Variants in PCDHGA10 observed in about 807,000 individuals in gnomAD.
PCDHGA10 encodes protocadherin gamma subfamily A, 10.
In PCDHGA10, 42 loss-of-function variants were observed where a neutral mutation model predicts 59.5. The observed-to-expected ratio is 0.71, with a 90% confidence interval of 0.55 to 0.91. PCDHGA10 has a LOEUF of 0.91. PCDHGA10 is among the 40% of genes least tolerant of loss of function. PCDHGA10 has a pLI of 0.00. For missense variants in PCDHGA10, 1,111 were observed against 1,198.2 expected (o/e 0.93, Z 1.07); for synonymous variants, 511 against 517.2 (o/e 0.99, Z 0.16).
At position 141,487,276 on chromosome 5, in the gene PCDHGA10, C is replaced by G; in HGVS notation, c.2437-7531C>G. On this transcript the variant is annotated intron_variant, in intron 1 of 3. Coordinates refer to ENST00000398610, the MANE Select transcript of PCDHGA10 (RefSeq NM_018913.3). The surrounding 1 kb of genome is among the most constrained non-coding windows in gnomAD (Gnocchi z 5.0). ...TGGCTGTGTCCCTAGTGGCAATTTG[C>G]TTTGTCTCCTTTGGCTCATTCGTGG... 1 of 1,614,158 alleles carries G rather than the reference C, an allele frequency of 6.2e-7. No homozygotes were observed. The highest frequency in any genetic ancestry group is 1.1e-5 in the South Asian group (1 of 91,082).
Position 141,486,151 on chromosome 5 carries a change from T to C in PCDHGA10, c.2437-8656T>C, listed in dbSNP as rs570065848. The C allele has an allele frequency of 2.7e-5, 44 of 1,613,914 alleles. No individual in the cohort carries two copies. In the South Asian group the frequency reaches 4.3e-4, roughly 16 times the overall value. ...TTGATGTGCGGGCTCGCGATGGGGGTTCTCCAGCCATGGAGCAACATTGCA... is the reference window on the plus strand; with the variant it reads ...TTGATGTGCGGGCTCGCGATGGGGGCTCTCCAGCCATGGAGCAACATTGCA... On this transcript the variant is annotated intron_variant, in intron 1 of 3. Transcript: ENST00000398610. The surrounding 1 kb of genome is among the most constrained non-coding windows in gnomAD (Gnocchi z 5.0).
At chr5:141,469,836 T>C (rs2099212875) in intron 1 of PCDHGA10, among the ~76,000 whole-genome samples, 1 of 152,064 alleles carries the variant, frequency 6.6e-6, no homozygotes, top group South Asian at 2.1e-4. Flanking sequence ...ATAAAACTTA[T>C]TCTTAAGATT....
chr5:141,441,905 C>G, intron 1 of PCDHGA10: 1 of 348,464 alleles, frequency 2.9e-6, no homozygotes, highest in Non-Finnish European at 5.5e-6. Flanking sequence ...GCTGTAGACG[C>G]AGATGTGAGA....
At chr5:141,495,274 G>A (rs1396412578) in intron 2 of PCDHGA10, among the ~76,000 whole-genome samples, 1 of 152,190 alleles carries the variant, frequency 6.6e-6, no homozygotes, top group Non-Finnish European at 1.5e-5. Context: ...TTGACCGGAG[G>A]AGGCGGTCCG....
intron 1 of PCDHGA10, chr5:141,424,584 C>T (rs919265310): frequency 3.9e-5 from 6 of 152,082 alleles, no homozygotes; most frequent in African/African-American, 1.4e-4. Flanking sequence ...TTCAAATGTG[C>T]TAAAGATGTC....
rs1370450155 is a variant in PCDHGA10, at chr5:141,431,480, G to T, written c.2436+15869G>T. On this transcript the variant is annotated intron_variant, in intron 1 of 3. Coordinates refer to ENST00000398610, the MANE Select transcript of PCDHGA10 (RefSeq NM_018913.3). This position sits in a 1 kb window ranked among gnomAD's most constrained non-coding sequence, Gnocchi z 4.8. Reference sequence around the variant, plus strand: ...TCTGGATGCGAACGACAACGCACCAGCGTTTGCTCAGCCCGAGTACCGCGC... The same window carrying T: ...TCTGGATGCGAACGACAACGCACCATCGTTTGCTCAGCCCGAGTACCGCGC... 3 of 1,613,924 alleles carry T rather than the reference G, an allele frequency of 1.9e-6. No individual in the cohort carries two copies. Among genetic ancestry groups the T allele is most frequent in the Non-Finnish European group, 2.5e-6 (3 of 1,179,990 alleles).
chr5:141,413,569 G>A lies in PCDHGA10; in HGVS notation c.394G>A (p.Asp132Asn). 1.2e-6 allele frequency: 2 copies of A among 1,613,846 alleles called. No individual in the cohort carries two copies. Among genetic ancestry groups the A allele is most frequent in the Non-Finnish European group, 1.7e-6 (2 of 1,179,882 alleles). ...AGAAATAGAAGTAACTGATATCAAT[G>A]ACAATGCTCCAAAATTCCAAGCAGA... ...GIEIEVTDIN[D>N]NAPKFQAENL... is the part of the protein sequence containing the mutation. The change falls in exon 1 of 4, where the codon GAC becomes AAC. Residue 132 changes from aspartate (D) to asparagine (N), a missense_variant. Asp to Asn is a conservative substitution (Grantham distance 23). Coordinates refer to ENST00000398610, the MANE Select transcript of PCDHGA10 (RefSeq NM_018913.3).
chr5:141,412,990 C>T lies in PCDHGA10; in HGVS notation c.-186C>T. ...AGAGAAAACGCAGCCAGAGCTCAAT[C>T]CGGATTCTCAGGGCTTCAACTACAC... On this transcript the variant is annotated 5_prime_UTR_variant, in exon 1 of 4. Coordinates refer to ENST00000398610, the MANE Select transcript of PCDHGA10 (RefSeq NM_018913.3). 1 of 569,958 alleles carries T rather than the reference C, an allele frequency of 1.8e-6. No individual in the cohort carries two copies. 35.3% of individuals were successfully genotyped at this position (569,958 alleles called of 1,614,324 possible).
chr5:141,510,272 TA>T (rs546154379), intron 3 of PCDHGA10, among the ~76,000 whole-genome samples: 4,704 of 130,308 alleles, frequency 0.036, 80 homozygotes, highest in South Asian at 0.057. Flanking sequence ...GACTCCATCT[TA>T]AAAAAAAAAA....
intron 2 of PCDHGA10, among the ~76,000 whole-genome samples, chr5:141,496,419 C>T (rs1292183963): frequency 6.6e-6 from 1 of 152,174 alleles, no homozygotes; most frequent in Non-Finnish European, 1.5e-5. Flanking sequence ...TACTTGCTGT[C>T]CACATTTGCC....
intron 1 of PCDHGA10, among the ~76,000 whole-genome samples, chr5:141,492,539 G>A (rs1474928199): frequency 1.3e-5 from 2 of 152,200 alleles, no homozygotes; most frequent in African/African-American, 2.4e-5. Context: ...GCCCCGGGCT[G>A]GGCCGGGTCG....
intron 1 of PCDHGA10, chr5:141,428,335 T>G (rs535486665): frequency 3.3e-6 from 2 of 615,106 alleles, no homozygotes; most frequent in East Asian, 5.9e-5. Context: ...TTCTATGCTC[T>G]TCTTCCTCGC....
chr5:141,433,361 A>ATCTATCTATCTC, intron 1 of PCDHGA10: 1 of 297,578 alleles, frequency 3.4e-6, no homozygotes, highest in Non-Finnish European at 6.3e-6. Context: ...CTGTCTGCCT[A>ATCTATCTATCTC]TCTATCTATC....
Position 141,414,899 on chromosome 5 carries a change from G to T in PCDHGA10, c.1724G>T (p.Gly575Val), listed in dbSNP as rs756810046. ...CTGTACCCCGCCCTCCCCACAGACG[G>T]TTCCACAGGCGTGGAGCTGGCGCCC... is the stretch of plus-strand genomic sequence containing the variant. Reference protein sequence around the residue: ...EILYPALPTDGSTGVELAPRS... With the variant: ...EILYPALPTDVSTGVELAPRS... The change falls in exon 1 of 4, where the codon GGT becomes GTT. Residue 575 changes from glycine (G) to valine (V), a missense_variant. Physicochemically the swap from Gly to Val is moderately radical, Grantham distance 109. Coordinates refer to ENST00000398610, the MANE Select transcript of PCDHGA10 (RefSeq NM_018913.3). 1 of 1,614,182 alleles carries T rather than the reference G, an allele frequency of 6.2e-7. No homozygotes were observed. The highest frequency in any genetic ancestry group is 8.5e-7 in the Non-Finnish European group (1 of 1,180,038).
In PCDHGA10 at chr5:141,489,129, T is replaced by G; in HGVS notation, c.2437-5678T>G. On this transcript the variant is annotated intron_variant, in intron 1 of 3. Coordinates refer to ENST00000398610, the MANE Select transcript of PCDHGA10 (RefSeq NM_018913.3). This position sits in a 1 kb window ranked among gnomAD's most constrained non-coding sequence, Gnocchi z 4.5. ...AAGCAGGCAAACCTCCGAGCAGTTT[T>G]TAAGAGGCTGGAAGGAGACATAAGA... 1 of 761,976 alleles carries G rather than the reference T, an allele frequency of 1.3e-6. No homozygotes were observed. The highest frequency in any genetic ancestry group is 2.0e-6 in the Non-Finnish European group (1 of 490,014). The allele number at this position is 761,976 out of a possible 1,614,324, so 47.2% of individuals were successfully genotyped here.
intron 1 of PCDHGA10, among the ~76,000 whole-genome samples, chr5:141,459,660 T>C (rs73280323): frequency 7.9e-4 from 120 of 152,386 alleles, no homozygotes; most frequent in African/African-American, 2.7e-3. Flanking sequence ...AATATCACTT[T>C]ACATTTTCAT....
rs2099402935 is a variant in PCDHGA10, at chr5:141,476,991, G to A, written c.2437-17816G>A. On this transcript the variant is annotated intron_variant, in intron 1 of 3. Transcript: ENST00000398610. The surrounding 1 kb of genome is among the most constrained non-coding windows in gnomAD (Gnocchi z 7.6). ...GGCAGCCACAACCGCGCCGGCGTGC[G>A]GCAACTATTCGCCTTAGACCTTGTA... 4 of 1,614,094 alleles carry A rather than the reference G, an allele frequency of 2.5e-6. No homozygotes were observed. Among genetic ancestry groups the A allele is most frequent in the Non-Finnish European group, 3.4e-6 (4 of 1,180,056 alleles).
chr5:141,457,495 T>C (rs2098922394), intron 1 of PCDHGA10, among the ~76,000 whole-genome samples: 1 of 152,204 alleles, frequency 6.6e-6, no homozygotes, highest in Admixed American at 6.5e-5. Context: ...GTCTAAAATG[T>C]AGGCAAAAAG....
Position 141,512,574 on chromosome 5 carries a change from C to G in PCDHGA10, c.*1401C>G, listed in dbSNP as rs1429371202. 2 of 152,884 alleles carry G rather than the reference C, an allele frequency of 1.3e-5. No homozygotes were observed. Among genetic ancestry groups the G allele is most frequent in the South Asian group, 2.1e-4 (1 of 4,836 alleles). 9.5% of individuals were successfully genotyped at this position (152,884 alleles called of 1,614,324 possible). On this transcript the variant is annotated 3_prime_UTR_variant, in exon 4 of 4. Transcript: ENST00000398610. ...GTGCATAGACCTTCTTCTCCCACCC[C>G]CTTCTGCCCCTGGGTCCCCGGCCAT...
Sources: allele counts gnomAD v4.1 joint callset (sites outside exome capture counted in the v4.1 genomes callset), GRCh38; gene constraint gnomAD v4.1.1; non-coding constraint Gnocchi (gnomAD v3.1); transcripts MANE v1.5; gene names NCBI Gene and HGNC (gene_info 2026-07-23, HGNC 2026-07-21).